Variants in CDC42BPA observed in about 807,000 individuals in gnomAD.
CDC42BPA encodes the protein serine/threonine-protein kinase MRCK alpha.
A neutral mutation model predicts 223.5 loss-of-function variants in CDC42BPA; 80 were observed. The ratio of observed to expected loss-of-function variants is 0.36; its 90% confidence interval spans 0.30 to 0.43. The LOEUF (loss-of-function observed/expected upper bound fraction) is 0.43, where lower values mean the gene tolerates loss of function less well. CDC42BPA is among the 20% of genes least tolerant of loss of function. The probability of loss-of-function intolerance (pLI) is 1.00; values close to 1 mark genes in which losing one functional copy is unlikely to be tolerated. For synonymous variants in CDC42BPA, 694 were observed against 718.6 expected, an observed-to-expected ratio of 0.97 and a Z score of 0.55; for missense variants, 1,743 against 2,099.9, an observed-to-expected ratio of 0.83 and a Z score of 3.32.
intron 34 of CDC42BPA, among the ~76,000 whole-genome samples, chr1:227,007,667 C>T (rs556335836): frequency 5.9e-5 from 9 of 152,144 alleles, no homozygotes; most frequent in Non-Finnish European, 7.4e-5. Context: ...CTCATCATTT[C>T]GGGCTCAGAA....
At chr1:227,069,261 C>T (rs552816141) in intron 21 of CDC42BPA, 1 of 151,886 alleles carries the variant, frequency 6.6e-6, no homozygotes, top group Non-Finnish European at 1.5e-5. Flanking sequence ...TAAATACCAA[C>T]GAATGATCAA....
intron 35 of CDC42BPA, among the ~76,000 whole-genome samples, chr1:227,001,026 G>GT (rs1159185624): frequency 6.6e-6 from 1 of 152,192 alleles, no homozygotes; most frequent in East Asian, 1.9e-4. Flanking sequence ...GAGGCTCCCA[G>GT]TGAGCCCCTA....
chr1:227,101,244 A>G lies in CDC42BPA; in HGVS notation c.2002-5T>C, dbSNP rs762732675. ...TGAGTAACTAATTTGTTTTTGCTATAGAAATAATAACAAAAGATTAGTGCA... is the reference window on the plus strand; with the variant it reads ...TGAGTAACTAATTTGTTTTTGCTATGGAAATAATAACAAAAGATTAGTGCA... On this transcript the variant is annotated splice_polypyrimidine_tract_variant and splice_region_variant and intron_variant, in intron 14 of 36. Coordinates refer to ENST00000366766, the MANE Select transcript of CDC42BPA (RefSeq NM_001394014.1). The G allele has an allele frequency of 3.9e-5, 59 of 1,507,416 alleles. No individual in the cohort carries two copies. Among genetic ancestry groups the G allele is most frequent in the Non-Finnish European group, 5.1e-5 (57 of 1,120,306 alleles). The allele number at this position is 1,507,416 out of a possible 1,614,324, so 93.4% of individuals were successfully genotyped here.
chr1:227,192,842 A>G (rs1173019487), intron 5 of CDC42BPA, among the ~76,000 whole-genome samples: 1 of 152,152 alleles, frequency 6.6e-6, no homozygotes, highest in African/African-American at 2.4e-5. Flanking sequence ...ACAATCCTTG[A>G]AAGTATTTTC....
chr1:227,294,115 CA>C, intron 1 of CDC42BPA, among the ~76,000 whole-genome samples: 1 of 151,320 alleles, frequency 6.6e-6, no homozygotes, highest in Non-Finnish European at 1.5e-5. Context: ...ACTAAAAATA[CA>C]AAAAAATTAG....
At chr1:227,002,259 G>T (rs1383810540) in intron 35 of CDC42BPA, among the ~76,000 whole-genome samples, 1 of 152,198 alleles carries the variant, frequency 6.6e-6, no homozygotes, top group Non-Finnish European at 1.5e-5. Flanking sequence ...CTGACTTCTA[G>T]ATAACTTATA....
chr1:227,295,816 C>T (rs112598796), intron 1 of CDC42BPA, among the ~76,000 whole-genome samples: 13 of 152,160 alleles, frequency 8.5e-5, no homozygotes, highest in Non-Finnish European at 1.6e-4. Context: ...GTGCAGCAGA[C>T]GGGAATAAAG....
intron 5 of CDC42BPA, among the ~76,000 whole-genome samples, chr1:227,160,892 T>A (rs888837861): frequency 6.6e-6 from 1 of 152,230 alleles, no homozygotes; most frequent in African/African-American, 2.4e-5. Context: ...AATCTTACTA[T>A]CTTTCCTTTT....
intron 5 of CDC42BPA, among the ~76,000 whole-genome samples, chr1:227,174,244 T>C (rs1666580583): frequency 6.6e-6 from 1 of 152,136 alleles, no homozygotes. Flanking sequence ...TAAAAATAGT[T>C]CCTCCATTAG....
At chr1:227,283,473 G>C (rs1483307471) in intron 1 of CDC42BPA, among the ~76,000 whole-genome samples, 3 of 152,006 alleles carry the variant, frequency 2.0e-5, no homozygotes, top group Admixed American at 1.3e-4. Flanking sequence ...AATAGAAAAA[G>C]CAAATGAAAA....
intron 5 of CDC42BPA, among the ~76,000 whole-genome samples, chr1:227,175,086 A>C (rs1666728279): frequency 1.3e-5 from 2 of 152,226 alleles, no homozygotes; most frequent in Admixed American, 6.5e-5. Flanking sequence ...TATGGAACAC[A>C]GTGAAGATGA....
chr1:227,288,579 C>T (rs1462078681), intron 1 of CDC42BPA, among the ~76,000 whole-genome samples: 4 of 151,790 alleles, frequency 2.6e-5, no homozygotes, highest in Non-Finnish European at 2.9e-5. Flanking sequence ...ACCTGTGGTC[C>T]CAGCTATTGG....
At position 227,080,385 on chromosome 1, in the gene CDC42BPA, G is replaced by C. The variant is rs1053838755; in HGVS notation, c.2480+508C>G. On this transcript the variant is annotated intron_variant, in intron 17 of 36. Transcript: ENST00000366766. ...ATGAATATTCCAAACTAAATCCCAA[G>C]AGCTTAAGAAAGAGCTGATAAAACT... is the stretch of plus-strand genomic sequence containing the variant. Among the ~76,000 whole-genome samples, 80 of 151,992 alleles carry C rather than the reference G, an allele frequency of 5.3e-4. 1 individual carries two copies. The highest frequency in any genetic ancestry group is 7.5e-4 in the Non-Finnish European group (51 of 67,952).
At chr1:227,163,116 G>C (rs1664382226) in intron 5 of CDC42BPA, among the ~76,000 whole-genome samples, 1 of 107,536 alleles carries the variant, frequency 9.3e-6, no homozygotes, top group Non-Finnish European at 2.1e-5. Flanking sequence ...ATATATGTGT[G>C]TATGTTTCCA....
At chr1:227,059,103 C>T (rs766557612) in intron 21 of CDC42BPA, among the ~76,000 whole-genome samples, 17 of 151,888 alleles carry the variant, frequency 1.1e-4, no homozygotes, top group Non-Finnish European at 2.2e-4. Flanking sequence ...ATCACTTTTC[C>T]CCTTGATCAA....
chr1:227,250,069 T>A (rs1681704371), intron 2 of CDC42BPA, among the ~76,000 whole-genome samples: 1 of 152,232 alleles, frequency 6.6e-6, no homozygotes, highest in Non-Finnish European at 1.5e-5. Context: ...ATGTCCATTT[T>A]GAAATAACGT....
chr1:227,007,012 G>A (rs2148393071), intron 34 of CDC42BPA, among the ~76,000 whole-genome samples: 1 of 152,108 alleles, frequency 6.6e-6, no homozygotes. Flanking sequence ...ATTCTGCTTG[G>A]TGGTGGGGGG....
At position 227,317,856 on chromosome 1, in the gene CDC42BPA, T is replaced by C. The variant is rs1402118508; in HGVS notation, c.-674A>G. 1 of 398,584 alleles carries C rather than the reference T, an allele frequency of 2.5e-6. No homozygotes were observed. Among genetic ancestry groups the C allele is most frequent in the East Asian group, 3.6e-5 (1 of 28,098 alleles). The allele number at this position is 398,584 out of a possible 1,614,324, so 24.7% of individuals were successfully genotyped here. ...CGGCTTTTCGTTTCTCCTCCCGAGG[T>C]CCTTCTTTCTTTAAGGCTTTGCAGT... On this transcript the variant is annotated 5_prime_UTR_variant, in exon 1 of 37. Coordinates refer to ENST00000366766, the MANE Select transcript of CDC42BPA (RefSeq NM_001394014.1).
chr1:227,097,105 C>T (rs1415691940), intron 15 of CDC42BPA, among the ~76,000 whole-genome samples: 1 of 152,028 alleles, frequency 6.6e-6, no homozygotes, highest in Non-Finnish European at 1.5e-5. Context: ...CTTTCCTCCT[C>T]TCCTCTCTCC....
Sources: allele counts gnomAD v4.1 joint callset (sites outside exome capture counted in the v4.1 genomes callset), GRCh38; gene constraint gnomAD v4.1.1; transcripts MANE v1.5; gene names NCBI Gene and HGNC (gene_info 2026-07-23, HGNC 2026-07-21).